Variants in NCOA7 observed in about 807,000 individuals in gnomAD.
NCOA7 encodes 140 kDa estrogen receptor-associated protein.
NCOA7 carries 45 observed loss-of-function variants against 104.3 expected under a neutral mutation model. That is an observed-to-expected ratio of 0.43 (90% confidence interval 0.34 to 0.55). The LOEUF (loss-of-function observed/expected upper bound fraction) is 0.55, where lower values mean the gene tolerates loss of function less well. Ranked by LOEUF, NCOA7 falls within the 20% of genes least tolerant of loss-of-function variation. The pLI is 0.02. For missense variants in NCOA7, 1,041 were observed against 1,119.7 expected, an observed-to-expected ratio of 0.93 and a Z score of 1.00; for synonymous variants, 398 against 402.3, an observed-to-expected ratio of 0.99 and a Z score of 0.13.
intron 2 of NCOA7, among the ~76,000 whole-genome samples, chr6:125,854,269 T>C (rs1179279023): frequency 6.6e-6 from 1 of 152,228 alleles, no homozygotes; most frequent in Non-Finnish European, 1.5e-5. Context: ...TATCAATTAA[T>C]TACAGAGTGA....
At chr6:125,828,587 T>C (rs1778866911) in intron 2 of NCOA7, among the ~76,000 whole-genome samples, 1 of 152,132 alleles carries the variant, frequency 6.6e-6, no homozygotes. Context: ...TAGAGCATGC[T>C]TGTTGGCTAA....
chr6:125,791,351 G>A (rs1485160293), intron 1 of NCOA7, among the ~76,000 whole-genome samples: 4 of 152,246 alleles, frequency 2.6e-5, no homozygotes, highest in Non-Finnish European at 2.9e-5. Context: ...GGGAGGACAG[G>A]TTGGCATGGG....
At chr6:125,878,909 C>T (rs538239146) in intron 5 of NCOA7, among the ~76,000 whole-genome samples, 213 of 152,318 alleles carry the variant, frequency 1.4e-3, no homozygotes, top group Middle Eastern at 0.01. Context: ...GTTCTGGCGG[C>T]TGCTCACCTC....
At chr6:125,852,805 G>GT (rs1463075979) in intron 2 of NCOA7, among the ~76,000 whole-genome samples, 1 of 152,094 alleles carries the variant, frequency 6.6e-6, no homozygotes, top group Non-Finnish European at 1.5e-5. Context: ...TGCTGTTTTG[G>GT]TAACTATAGC....
chr6:125,890,628 CG>C lies in NCOA7; in HGVS notation c.1928-13del. 3 of 1,590,462 alleles carry C rather than the reference CG, an allele frequency of 1.9e-6. No homozygotes were observed. The highest frequency in any genetic ancestry group is 2.6e-6 in the Non-Finnish European group (3 of 1,170,982). On this transcript the variant is annotated splice_polypyrimidine_tract_variant and intron_variant, in intron 9 of 15. Coordinates refer to ENST00000392477, the MANE Select transcript of NCOA7 (RefSeq NM_181782.5). Reference sequence around the variant, plus strand: ...TGTCAATATTGAGGAACAGTTTTTTCGTGTGTGATTCAGATATACTTCCTTC... The same window carrying C: ...TGTCAATATTGAGGAACAGTTTTTTCTGTGTGATTCAGATATACTTCCTTC...
intron 3 of NCOA7, among the ~76,000 whole-genome samples, chr6:125,865,355 T>G (rs915355480): frequency 2.2e-5 from 3 of 137,980 alleles, no homozygotes; most frequent in Non-Finnish European, 4.6e-5. Context: ...ACAGTATGAC[T>G]CATTTTAGTC....
At chr6:125,788,598 C>G (rs987307446), upstream of NCOA7, among the ~76,000 whole-genome samples, 1 of 149,824 alleles carries the variant, frequency 6.7e-6, no homozygotes, top group Non-Finnish European at 1.5e-5. Flanking sequence ...TGCAGTGGTG[C>G]AATCTCCGCT....
rs78756333 is a variant in NCOA7 at position 125,838,629 on chromosome 6, G to T, written c.51-16391G>T. Reference sequence around the variant, plus strand: ...GTTCTCTGGTTCTCCAACACCAGTTGAGTGTCCAACAATTCCATTCAATTT... The same window carrying T: ...GTTCTCTGGTTCTCCAACACCAGTTTAGTGTCCAACAATTCCATTCAATTT... On this transcript the variant is annotated intron_variant, in intron 2 of 15. Coordinates refer to ENST00000392477, the MANE Select transcript of NCOA7 (RefSeq NM_181782.5). Among the ~76,000 whole-genome samples, 703 of 152,210 alleles carry T rather than the reference G, an allele frequency of 4.6e-3. 6 individuals carry two copies. Among genetic ancestry groups the T allele is most frequent in the African/African-American group, 0.013 (545 of 41,536 alleles).
At chr6:125,862,243 A>G (rs1782125244) in intron 3 of NCOA7, among the ~76,000 whole-genome samples, 1 of 136,736 alleles carries the variant, frequency 7.3e-6, no homozygotes, top group Admixed American at 6.9e-5. Flanking sequence ...AGCTTACCTT[A>G]GTTAGGCAGA....
intron 1 of NCOA7, among the ~76,000 whole-genome samples, chr6:125,784,401 T>C (rs1774365868): frequency 1.3e-5 from 2 of 152,186 alleles, no homozygotes. Context: ...ATTTAATAGA[T>C]TAAAAATCCA....
chr6:125,924,357 G>A (rs1787842120), intron 13 of NCOA7, among the ~76,000 whole-genome samples: 1 of 152,216 alleles, frequency 6.6e-6, no homozygotes, highest in Admixed American at 6.5e-5. Flanking sequence ...TCTTGTCACT[G>A]GGTGGAGTCT....
At chr6:125,848,274 A>G (rs1780799132) in intron 2 of NCOA7, among the ~76,000 whole-genome samples, 1 of 152,162 alleles carries the variant, frequency 6.6e-6, no homozygotes, top group Non-Finnish European at 1.5e-5. Context: ...TAGAAATACC[A>G]TTTGACCCAG....
intron 1 of NCOA7, among the ~76,000 whole-genome samples, chr6:125,796,282 A>C (rs376149965): frequency 1.1e-4 from 17 of 151,878 alleles, no homozygotes; most frequent in African/African-American, 3.9e-4. Flanking sequence ...ATTGATAAAA[A>C]AAAATTAGGG....
At chr6:125,845,745 G>C (rs1044468471) in intron 2 of NCOA7, among the ~76,000 whole-genome samples, 1 of 152,124 alleles carries the variant, frequency 6.6e-6, no homozygotes, top group Non-Finnish European at 1.5e-5. Flanking sequence ...CCAGCCTGGT[G>C]ACAGAGCAAG....
chr6:125,847,601 A>C (rs576347040), intron 2 of NCOA7, among the ~76,000 whole-genome samples: 3 of 152,334 alleles, frequency 2.0e-5, no homozygotes, highest in African/African-American at 4.8e-5. Context: ...TGTGGCTAAT[A>C]TGTAGAAAGC....
intron 3 of NCOA7, among the ~76,000 whole-genome samples, chr6:125,869,604 T>C (rs1782718313): frequency 6.6e-6 from 1 of 152,146 alleles, no homozygotes; most frequent in African/African-American, 2.4e-5. Context: ...CCCAGTGCAA[T>C]CACAAGGGAC....
rs186398196 is a variant in NCOA7, at chr6:125,872,337, A to T, written c.272-2552A>T. On this transcript the variant is annotated intron_variant, in intron 3 of 15. Transcript: ENST00000392477. ...GTAGCGCTCCCCATTGGGACCAGAG[A>T]TATCTAGCTACAGCTTATGGAAGGG... Among the ~76,000 whole-genome samples the T allele has an allele frequency of 7.2e-5, 11 of 152,336 alleles. No individual in the cohort carries two copies. In the East Asian group the frequency reaches 2.1e-3, roughly 29 times the overall value.
chr6:125,848,852 C>T (rs1050688583), intron 2 of NCOA7, among the ~76,000 whole-genome samples: 4 of 151,896 alleles, frequency 2.6e-5, no homozygotes, highest in African/African-American at 9.7e-5. Context: ...AATCAAATAC[C>T]TTAAATAAGA....
intron 1 of NCOA7, among the ~76,000 whole-genome samples, chr6:125,811,480 A>G (rs970449120): frequency 2.0e-5 from 3 of 152,186 alleles, no homozygotes; most frequent in South Asian, 4.1e-4. Flanking sequence ...TAGGTGATAT[A>G]TGAAATAAGC....
Sources: allele counts gnomAD v4.1 joint callset (sites outside exome capture counted in the v4.1 genomes callset), GRCh38; gene constraint gnomAD v4.1.1; transcripts MANE v1.5; gene names NCBI Gene and HGNC (gene_info 2026-07-23, HGNC 2026-07-21).